Variants in FAM171A1 observed in about 807,000 individuals in gnomAD.
FAM171A1 encodes the protein family with sequence similarity 171 member A1, also known as protein FAM171A1.
In FAM171A1, 23 loss-of-function variants were observed where a neutral mutation model predicts 74.9. That is an observed-to-expected ratio of 0.31 (90% confidence interval 0.22 to 0.44). FAM171A1 has a LOEUF of 0.44. Ranked by LOEUF, FAM171A1 falls within the 20% of genes least tolerant of loss-of-function variation. The probability of loss-of-function intolerance (pLI) is 1.00; values close to 1 mark genes in which losing one functional copy is unlikely to be tolerated. For synonymous variants in FAM171A1, 527 were observed against 505.7 expected, an observed-to-expected ratio of 1.04 and a Z score of -0.57; for missense variants, 1,162 against 1,159.2, an observed-to-expected ratio of 1.00 and a Z score of -0.03.
chr10:15,317,606 G>C (rs749260342), intron 1 of FAM171A1, among the ~76,000 whole-genome samples: 1 of 151,824 alleles, frequency 6.6e-6, no homozygotes, highest in Non-Finnish European at 1.5e-5. Context: ...TATTGGCCAG[G>C]CTGGTCTCAA....
chr10:15,278,011 C>T (rs1834916210), intron 2 of FAM171A1, among the ~76,000 whole-genome samples: 1 of 152,144 alleles, frequency 6.6e-6, no homozygotes, highest in Non-Finnish European at 1.5e-5. Context: ...CCTCCTCGGC[C>T]TCCCAAAGTG....
chr10:15,222,469 G>A (rs1834051163), intron 5 of FAM171A1, among the ~76,000 whole-genome samples: 1 of 152,174 alleles, frequency 6.6e-6, no homozygotes, highest in Non-Finnish European at 1.5e-5. Flanking sequence ...GGAAGTATCT[G>A]TGTATCTAAA....
chr10:15,239,072 C>T (rs192027156), intron 5 of FAM171A1, among the ~76,000 whole-genome samples: 9 of 152,296 alleles, frequency 5.9e-5, no homozygotes, highest in African/African-American at 2.2e-4. Flanking sequence ...GTCCGTCTGA[C>T]AACCTGTACA....
intron 1 of FAM171A1, among the ~76,000 whole-genome samples, chr10:15,331,860 T>TATAC (rs1554755847): frequency 3.4e-4 from 7 of 20,520 alleles, no homozygotes; most frequent in East Asian, 2.3e-3. Context: ...TATATGTGTG[T>TATAC]ATATATATGT....
chr10:15,343,557 A>C (rs1489988647), intron 1 of FAM171A1, among the ~76,000 whole-genome samples: 1 of 152,184 alleles, frequency 6.6e-6, no homozygotes, highest in Non-Finnish European at 1.5e-5. Context: ...AGGGGACAAC[A>C]CCTGATGCTT....
At chr10:15,317,486 C>T (rs577107565) in intron 1 of FAM171A1, among the ~76,000 whole-genome samples, 1 of 152,220 alleles carries the variant, frequency 6.6e-6, no homozygotes, top group African/African-American at 2.4e-5. Context: ...CCTCCACTTC[C>T]CAGGTTCAAG....
chr10:15,240,305 G>T (rs888774151), intron 5 of FAM171A1, among the ~76,000 whole-genome samples: 1 of 152,174 alleles, frequency 6.6e-6, no homozygotes, highest in Non-Finnish European at 1.5e-5. Flanking sequence ...AGGTTGCGGT[G>T]AGCTGAGATT....
intron 3 of FAM171A1, among the ~76,000 whole-genome samples, chr10:15,261,417 T>A (rs1246779542): frequency 6.6e-6 from 1 of 152,228 alleles, no homozygotes; most frequent in Non-Finnish European, 1.5e-5. Flanking sequence ...AGAGCTTTCA[T>A]CACCTCTTGA....
chr10:15,352,063 T>C (rs1835886523), intron 1 of FAM171A1, among the ~76,000 whole-genome samples: 1 of 32,964 alleles, frequency 3.0e-5, no homozygotes, highest in South Asian at 1.0e-3. Context: ...AATACAATTT[T>C]TTTTTGTAAA....
At chr10:15,333,133 A>T (rs1356950327) in intron 1 of FAM171A1, among the ~76,000 whole-genome samples, 1 of 152,152 alleles carries the variant, frequency 6.6e-6, no homozygotes, top group African/African-American at 2.4e-5. Flanking sequence ...AGCTCCCTTC[A>T]GAGTCCACTC....
At chr10:15,343,769 A>G (rs1377211896) in intron 1 of FAM171A1, among the ~76,000 whole-genome samples, 1 of 152,030 alleles carries the variant, frequency 6.6e-6, no homozygotes, top group Non-Finnish European at 1.5e-5. Flanking sequence ...TGGGAACTGA[A>G]CCTGGGCCCT....
chr10:15,336,281 C>T (rs568051908), intron 1 of FAM171A1, among the ~76,000 whole-genome samples: 1 of 151,302 alleles, frequency 6.6e-6, no homozygotes, highest in South Asian at 2.1e-4. Context: ...GCACACGTTC[C>T]TCCTAAGGCA....
At position 15,254,797 on chromosome 10, in the gene FAM171A1, C is replaced by T. The variant is rs146197743; in HGVS notation, c.501G>A (p.Ala167=). 3.2e-5 allele frequency: 52 copies of T among 1,614,202 alleles called. No homozygotes were observed. Among genetic ancestry groups the T allele is most frequent in the African/African-American group, 3.1e-4 (23 of 75,062 alleles). The part of the protein sequence containing the change: ...PENTSYSDLT[A]FLTAASSPSE... Reference sequence around the variant, plus strand: ...AAGGGGAGCTGGCGGCCGTGAGAAACGCGGTCAGGTCACTGTAGCTGGTGT... The same window carrying T: ...AAGGGGAGCTGGCGGCCGTGAGAAATGCGGTCAGGTCACTGTAGCTGGTGT... Residue 167 remains alanine (A), a synonymous_variant, in exon 4 of 8, where the codon GCG becomes GCA. Coordinates refer to ENST00000378116, the MANE Select transcript of FAM171A1 (RefSeq NM_001010924.2).
intron 5 of FAM171A1, among the ~76,000 whole-genome samples, chr10:15,246,308 T>C (rs1834434425): frequency 2.6e-5 from 4 of 152,316 alleles, no homozygotes; most frequent in South Asian, 4.1e-4. Flanking sequence ...ATAATTACAG[T>C]GTCTCTATTA....
At chr10:15,358,233 C>A (rs1835955468) in intron 1 of FAM171A1, among the ~76,000 whole-genome samples, 2 of 152,172 alleles carry the variant, frequency 1.3e-5, no homozygotes, top group African/African-American at 2.4e-5. Flanking sequence ...GCCTCAGCCT[C>A]CCAAAGTGTT....
chr10:15,228,355 T>G (rs2131725844), intron 5 of FAM171A1, among the ~76,000 whole-genome samples: 1 of 151,120 alleles, frequency 6.6e-6, no homozygotes, highest in East Asian at 1.9e-4. Context: ...TTTTTTTTTT[T>G]TTTAAGAGAC....
At chr10:15,350,197 C>T (rs551164145) in intron 1 of FAM171A1, among the ~76,000 whole-genome samples, 3 of 152,230 alleles carry the variant, frequency 2.0e-5, no homozygotes, top group East Asian at 1.9e-4. Flanking sequence ...TGCTCTTTTT[C>T]GAATACTTCA....
intron 5 of FAM171A1, among the ~76,000 whole-genome samples, chr10:15,232,456 C>T (rs1343797926): frequency 1.3e-5 from 2 of 152,138 alleles, no homozygotes; most frequent in African/African-American, 2.4e-5. Context: ...ATTGTTTTAT[C>T]GCAAGAGCCT....
chr10:15,323,089 GA>G (rs1444955986), intron 1 of FAM171A1, among the ~76,000 whole-genome samples: 1 of 148,562 alleles, frequency 6.7e-6, no homozygotes, highest in African/African-American at 2.5e-5. Flanking sequence ...GTGGTGGGCT[GA>G]CATCACACCG....
Sources: gnomAD v4.1 joint callset for allele counts (sites outside exome capture counted in the v4.1 genomes callset) on GRCh38, gnomAD v4.1.1 for gene constraint, MANE v1.5 for transcripts, NCBI Gene and HGNC (gene_info 2026-07-23, HGNC 2026-07-21) for gene names.